GRIK2: variants seen among roughly 807,000 people sequenced by gnomAD.
The protein encoded by GRIK2 is glutamate receptor ionotropic, kainate 2.
A neutral mutation model predicts 100.3 loss-of-function variants in GRIK2; 32 were observed. The observed-to-expected ratio is 0.32, with a 90% confidence interval of 0.24 to 0.43. The LOEUF (loss-of-function observed/expected upper bound fraction) is 0.43. GRIK2 is among the 20% of genes least tolerant of loss of function. GRIK2 has a pLI of 1.00. For synonymous variants in GRIK2, 417 were observed against 389.4 expected (o/e 1.07, Z -0.83); for missense variants, 843 against 1,114.9 (o/e 0.76, Z 3.47).
chr6:101,886,467 AT>A (rs1284270584), intron 11 of GRIK2, among the ~76,000 whole-genome samples: 1 of 151,944 alleles, frequency 6.6e-6, no homozygotes, highest in Non-Finnish European at 1.5e-5. Flanking sequence ...TTGGAATAGA[AT>A]TTTTATTTTA....
At chr6:101,449,724 T>C (rs547648570) in intron 2 of GRIK2, among the ~76,000 whole-genome samples, 1 of 111,456 alleles carries the variant, frequency 9.0e-6, no homozygotes, top group East Asian at 2.8e-4. Flanking sequence ...TGACACTGTA[T>C]TTAAAAATCT....
In GRIK2 at chr6:101,694,813, A is replaced by G. The variant is rs551530950; in HGVS notation, c.951+8460A>G. On this transcript the variant is annotated intron_variant, in intron 7 of 16. Coordinates refer to ENST00000369134, the MANE Select transcript of GRIK2 (RefSeq NM_021956.5). ...AATTATCAAAGCTATAGGTTTTCCC[A>G]TATTATTTCAGTTTTATGAATAATC... Among the ~76,000 whole-genome samples the G allele has an allele frequency of 2.3e-3, 346 of 152,000 alleles. 1 individual carries two copies. Among genetic ancestry groups the G allele is most frequent in the Non-Finnish European group, 3.4e-3 (233 of 67,946 alleles).
rs373585143 is a variant in GRIK2, at chr6:101,414,088, C to G, written c.115+14696C>G. 4.6e-5 allele frequency among the ~76,000 whole-genome samples: 7 copies of G among 152,230 alleles called. No individual in the cohort carries two copies. In the East Asian group the frequency reaches 9.6e-4, roughly 21 times the overall value. ...ATCATATTCTATAGACATAGGTAAC[C>G]ACATAAATACAAAACAGTGTGACAA... On this transcript the variant is annotated intron_variant, in intron 2 of 16. Transcript: ENST00000369134.
intron 2 of GRIK2, among the ~76,000 whole-genome samples, chr6:101,453,156 A>G (rs903437021): frequency 6.6e-6 from 1 of 151,874 alleles, no homozygotes; most frequent in African/African-American, 2.4e-5. Context: ...GTATCCTGCT[A>G]TTAAGATCAG....
chr6:102,067,993 G>A (rs1772101748), intron 16 of GRIK2, among the ~76,000 whole-genome samples: 1 of 151,900 alleles, frequency 6.6e-6, no homozygotes, highest in Admixed American at 6.6e-5. Context: ...TTCTGGTATA[G>A]AATTGTCATT....
At chr6:101,957,972 T>C (rs1300525738) in intron 14 of GRIK2, among the ~76,000 whole-genome samples, 1 of 152,050 alleles carries the variant, frequency 6.6e-6, no homozygotes, top group Non-Finnish European at 1.5e-5. Flanking sequence ...TACATCAAGC[T>C]TTGATTTTTG....
At chr6:101,776,012 C>A (rs1178169311) in intron 7 of GRIK2, among the ~76,000 whole-genome samples, 1 of 151,878 alleles carries the variant, frequency 6.6e-6, no homozygotes, top group African/African-American at 2.4e-5. Context: ...AAGTCATAAG[C>A]AGATTTGTGT....
In GRIK2 at chr6:101,433,665, T is replaced by A. The variant is rs144151773; in HGVS notation, c.115+34273T>A. Among the ~76,000 whole-genome samples the A allele has an allele frequency of 6.3e-3, 952 of 152,292 alleles. 13 individuals are homozygous for A. The highest frequency in any genetic ancestry group is 0.021 in the African/African-American group (891 of 41,556). On this transcript the variant is annotated intron_variant, in intron 2 of 16. Transcript: ENST00000369134. ...TTTTTTTCTTACTTATTGTTTTAAC[T>A]GTATTTTCTTTATGCTGAAGAGCAA...
chr6:101,813,372 T>C (rs1184456990), intron 9 of GRIK2, among the ~76,000 whole-genome samples: 1 of 152,162 alleles, frequency 6.6e-6, no homozygotes, highest in Non-Finnish European at 1.5e-5. Context: ...TAAGTTTTCT[T>C]TATATAAGAA....
intron 12 of GRIK2, among the ~76,000 whole-genome samples, chr6:101,912,142 G>T (rs1351250184): frequency 6.7e-6 from 1 of 148,948 alleles, no homozygotes; most frequent in Non-Finnish European, 1.5e-5. Context: ...CAGCACTATA[G>T]ACAAGACTAT....
At chr6:101,972,895 A>G (rs1375487334) in intron 14 of GRIK2, among the ~76,000 whole-genome samples, 1 of 151,826 alleles carries the variant, frequency 6.6e-6, no homozygotes, top group Non-Finnish European at 1.5e-5. Flanking sequence ...ATTCTGTTCC[A>G]TTGATCTATG....
At chr6:101,988,146 CGCGCGCGCGT>C (rs144690410) in intron 14 of GRIK2, among the ~76,000 whole-genome samples, 15,943 of 35,204 alleles carry the variant, frequency 0.45, 2,509 homozygotes, top group African/African-American at 0.55. Flanking sequence ...CGCGCGCGCG[CGCGCGCGCGT>C]GCGCGCACAT....
intron 11 of GRIK2, among the ~76,000 whole-genome samples, chr6:101,861,264 C>T (rs1262928282): frequency 1.3e-5 from 2 of 152,122 alleles, no homozygotes; most frequent in Non-Finnish European, 2.9e-5. Flanking sequence ...TGTCTTCTTA[C>T]TTGTTCTGTC....
At chr6:101,820,104 T>C (rs1170455547) in intron 10 of GRIK2, among the ~76,000 whole-genome samples, 2 of 152,198 alleles carry the variant, frequency 1.3e-5, no homozygotes, top group African/African-American at 4.8e-5. Context: ...TTGTGAATGC[T>C]CTTCCCTTGC....
At chr6:101,526,152 TTCACAA>T (rs1399356499) in intron 2 of GRIK2, among the ~76,000 whole-genome samples, 1 of 152,174 alleles carries the variant, frequency 6.6e-6, no homozygotes, top group Admixed American at 6.5e-5. Context: ...TGTGTTATCC[TTCACAA>T]TCACCCTTGA....
chr6:101,467,909 A>AT (rs1222735850), intron 2 of GRIK2, among the ~76,000 whole-genome samples: 3 of 134,950 alleles, frequency 2.2e-5, no homozygotes, highest in Non-Finnish European at 4.8e-5. Context: ...TTGAGGTTTC[A>AT]TTTTTTGCAT....
intron 2 of GRIK2, among the ~76,000 whole-genome samples, chr6:101,447,405 T>C (rs910493117): frequency 9.2e-5 from 14 of 151,716 alleles, no homozygotes; most frequent in Non-Finnish European, 2.1e-4. Flanking sequence ...GTTTCAAAAA[T>C]AGAGAGCTCT....
rs1353369076 is a variant in GRIK2 at position 102,032,865 on chromosome 6, C to T, written c.2086-2476C>T. ...GATTTTAAAAGGCTCACTGCAAACTCTAGGTGCTTACTCAAAGCTGAAAAA... is the reference window on the plus strand; with the variant it reads ...GATTTTAAAAGGCTCACTGCAAACTTTAGGTGCTTACTCAAAGCTGAAAAA... On this transcript the variant is annotated intron_variant, in intron 14 of 16. Transcript: ENST00000369134. Among the ~76,000 whole-genome samples the T allele has an allele frequency of 1.6e-4, 24 of 151,220 alleles. No homozygotes were observed. The Admixed American group carries it at 1.6e-3, about 10-fold the overall frequency.
chr6:101,512,521 A>G lies in GRIK2; in HGVS notation c.116-109428A>G, dbSNP rs1774372096. On this transcript the variant is annotated intron_variant, in intron 2 of 16. Transcript: ENST00000369134. ...AATTCAACTGATGCATTTCCATCTC[A>G]CTTGAAGTTAATCAGTTATTCTTGT... 2.0e-5 allele frequency among the ~76,000 whole-genome samples: 3 copies of G among 152,106 alleles called. No individual in the cohort carries two copies. In the South Asian group the frequency reaches 6.2e-4, roughly 32 times the overall value.
Sources: allele counts gnomAD v4.1 joint callset (sites outside exome capture counted in the v4.1 genomes callset), GRCh38; gene constraint gnomAD v4.1.1; transcripts MANE v1.5; gene names NCBI Gene and HGNC (gene_info 2026-07-23, HGNC 2026-07-21).